Variants in PEX7 observed in about 807,000 individuals in gnomAD.
The protein encoded by PEX7 is peroxisomal biogenesis factor 7.
Under a neutral mutation model 47.5 loss-of-function variants are expected in PEX7, and 34 were observed. That is an observed-to-expected ratio of 0.72 (90% CI 0.54 to 0.95). The LOEUF (loss-of-function observed/expected upper bound fraction) is 0.95, where lower values mean the gene tolerates loss of function less well. Ranked by LOEUF, PEX7 falls within the 40% of genes least tolerant of loss-of-function variation. The probability of loss-of-function intolerance (pLI) is 0.00; values close to 1 mark genes in which losing one functional copy is unlikely to be tolerated. For synonymous variants in PEX7, 141 were observed against 148.8 expected, an observed-to-expected ratio of 0.95 and a Z score of 0.38; for missense variants, 394 against 400.3, an observed-to-expected ratio of 0.98 and a Z score of 0.13.
At position 136,826,415 on chromosome 6, in the gene PEX7, G is replaced by A. The variant is rs1774193422; in HGVS notation, c.285G>A (p.Trp95Ter). Residue 95 changes from tryptophan to a stop codon, truncating the protein, a stop_gained, in exon 3 of 10, where the codon TGG becomes TGA. Coordinates refer to ENST00000318471, the MANE Select transcript of PEX7 (RefSeq NM_000288.4). LOFTEE classifies it high-confidence loss of function. Reference protein sequence around the residue: ...TCSGDGSLQLWDTAKAAGPLQ... With the variant: ...TCSGDGSLQL ...GTGGCGATGGCTCGCTGCAGCTCTGGGACACTGCCAAAGCTGCAGGGCCAC... is the reference window on the plus strand; with the variant it reads ...GTGGCGATGGCTCGCTGCAGCTCTGAGACACTGCCAAAGCTGCAGGGCCAC... 1 of 1,613,678 alleles carries A rather than the reference G, an allele frequency of 6.2e-7. No homozygotes were observed.
At chr6:136,892,041 G>C (rs1023243127) in intron 8 of PEX7, among the ~76,000 whole-genome samples, 1 of 152,204 alleles carries the variant, frequency 6.6e-6, no homozygotes, top group Non-Finnish European at 1.5e-5. Context: ...AGTGATTATA[G>C]AAAGAGAGTT....
intron 3 of PEX7, among the ~76,000 whole-genome samples, chr6:136,836,593 T>C (rs1422300061): frequency 1.3e-5 from 2 of 152,236 alleles, no homozygotes; most frequent in African/African-American, 4.8e-5. Context: ...TGAAAATAAT[T>C]ATTCAAGTGA....
chr6:136,840,744 T>C (rs1299463264), intron 3 of PEX7, among the ~76,000 whole-genome samples: 1 of 152,214 alleles, frequency 6.6e-6, no homozygotes, highest in Non-Finnish European at 1.5e-5. Flanking sequence ...TTTAGGATCT[T>C]ATCCCTCCCA....
chr6:136,860,631 A>G (rs377434824), intron 5 of PEX7, among the ~76,000 whole-genome samples: 1 of 151,086 alleles, frequency 6.6e-6, no homozygotes, highest in South Asian at 2.1e-4. Flanking sequence ...ACAAACCTGC[A>G]TGTTGTGCAC....
chr6:136,898,118 A>G (rs962046405), intron 8 of PEX7, 24 bp from the exon 9 acceptor site: 4 of 1,362,970 alleles, frequency 2.9e-6, no homozygotes, highest in Admixed American at 1.7e-5. Flanking sequence ...CATTTAAATT[A>G]TTCCCTTTTA....
intron 3 of PEX7, among the ~76,000 whole-genome samples, chr6:136,827,340 C>T (rs1774212930): frequency 6.6e-6 from 1 of 152,102 alleles, no homozygotes; most frequent in Admixed American, 6.5e-5. Context: ...ATTATGATAG[C>T]TATTTGAATA....
Position 136,882,093 on chromosome 6 carries a change from A to G in PEX7, c.803+9840A>G, listed in dbSNP as rs117777944. On this transcript the variant is annotated intron_variant, in intron 8 of 9. Transcript: ENST00000318471. ...GTGATATCTGTGCTCACAAGCTCAC[A>G]GGGTGATTACAAGAAATATATGAGA... Among the ~76,000 whole-genome samples, 137 of 152,154 alleles carry G rather than the reference A, an allele frequency of 9.0e-4. 3 individuals carry two copies. The East Asian group carries it at 0.023, about 26-fold the overall frequency.
chr6:136,839,638 A>G (rs1582741020), intron 3 of PEX7, among the ~76,000 whole-genome samples: 2 of 152,268 alleles, frequency 1.3e-5, no homozygotes, highest in Admixed American at 1.3e-4. Context: ...TAATTTGACC[A>G]TTTGCCATGC....
intron 3 of PEX7, chr6:136,829,870 G>A: frequency 1.6e-6 from 1 of 619,070 alleles, no homozygotes; most frequent in Non-Finnish European, 2.9e-6. Flanking sequence ...ATGGGAGGTG[G>A]AGGTTGCAGT....
chr6:136,872,173 T>C, intron 7 of PEX7, 25 bp from the exon 8 acceptor site: 1 of 1,598,866 alleles, frequency 6.3e-7, no homozygotes. Flanking sequence ...CAAAAAGGGT[T>C]TTTTTTTTCT....
chr6:136,900,558 A>G lies in PEX7; in HGVS notation c.903+2317A>G. 2.3e-6 allele frequency: 1 copy of G among 433,120 alleles called. No individual in the cohort carries two copies. 26.8% of individuals were successfully genotyped at this position (433,120 alleles called of 1,614,324 possible). ...CCAAAGCCCTTTTGTCTTCCGAGTT[A>G]ATCTGTGTGAAGGTGATGGTGGTGT... On this transcript the variant is annotated intron_variant, in intron 9 of 9. Transcript: ENST00000318471. The surrounding 1 kb of genome is among the most constrained non-coding windows in gnomAD (Gnocchi z 4.2).
chr6:136,881,598 A>T (rs1775377541), intron 8 of PEX7, among the ~76,000 whole-genome samples: 1 of 152,192 alleles, frequency 6.6e-6, no homozygotes, highest in East Asian at 1.9e-4. Context: ...CAGAATTGTC[A>T]TTTTGATCTT....
intron 8 of PEX7, among the ~76,000 whole-genome samples, chr6:136,894,299 A>G (rs1415266910): frequency 6.6e-6 from 1 of 152,164 alleles, no homozygotes; most frequent in East Asian, 1.9e-4. Flanking sequence ...TCTACTAAAA[A>G]TACAAAAATT....
intron 3 of PEX7, among the ~76,000 whole-genome samples, chr6:136,834,138 G>C (rs781058268): frequency 5.3e-5 from 8 of 152,238 alleles, no homozygotes; most frequent in Non-Finnish European, 1.5e-5. Context: ...TGAGTCTTGG[G>C]TAGTTAGTAG....
intron 9 of PEX7, 143 bp from the exon 10 acceptor site, chr6:136,913,315 A>T: frequency 1.5e-6 from 1 of 672,292 alleles, no homozygotes; most frequent in Non-Finnish European, 2.7e-6. Flanking sequence ...TTTATCAAAA[A>T]CGTAGCCCTA....
intron 5 of PEX7, among the ~76,000 whole-genome samples, chr6:136,865,558 C>G (rs551102287): frequency 6.6e-5 from 10 of 152,128 alleles, no homozygotes; most frequent in African/African-American, 2.4e-4. Flanking sequence ...CTTGGCCTCC[C>G]GAAGGGTAGG....
At chr6:136,890,260 A>G (rs1028124393) in intron 8 of PEX7, among the ~76,000 whole-genome samples, 3 of 152,248 alleles carry the variant, frequency 2.0e-5, no homozygotes, top group Admixed American at 6.5e-5. Flanking sequence ...TATTTACAGT[A>G]TGTGTGTCTG....
In PEX7 at chr6:136,900,713, G is replaced by T; in HGVS notation, c.903+2472G>T. 1 of 344,324 alleles carries T rather than the reference G, an allele frequency of 2.9e-6. No homozygotes were observed. The highest frequency in any genetic ancestry group is 5.6e-6 in the Non-Finnish European group (1 of 177,978). 21.3% of individuals were successfully genotyped at this position (344,324 alleles called of 1,614,324 possible). ...ACGTCATGTGCAGTCACCGCCAGCT[G>T]AGCCTTCTTCTTCTCCACCAAGGTG... On this transcript the variant is annotated intron_variant, in intron 9 of 9. Coordinates refer to ENST00000318471, the MANE Select transcript of PEX7 (RefSeq NM_000288.4). This position sits in a 1 kb window ranked among gnomAD's most constrained non-coding sequence, Gnocchi z 4.2.
At chr6:136,835,348 G>A (rs1232418768) in intron 3 of PEX7, among the ~76,000 whole-genome samples, 2 of 151,796 alleles carry the variant, frequency 1.3e-5, no homozygotes, top group Admixed American at 6.6e-5. Flanking sequence ...GAGTGCAGTG[G>A]CATGTTCTCA....
Sources: gnomAD v4.1 joint callset for allele counts (sites outside exome capture counted in the v4.1 genomes callset) on GRCh38, gnomAD v4.1.1 for gene constraint, Gnocchi (gnomAD v3.1) non-coding constraint, MANE v1.5 for transcripts, NCBI Gene and HGNC (gene_info 2026-07-23, HGNC 2026-07-21) for gene names.